VTI1A: variants seen among roughly 807,000 people sequenced by gnomAD.
The protein encoded by VTI1A is vesicle transport through interaction with t-SNAREs 1A.
VTI1A carries 22 observed loss-of-function variants against 34.9 expected under a neutral mutation model. The observed-to-expected ratio is 0.63, with a 90% CI of 0.45 to 0.90. The LOEUF is 0.90. VTI1A is among the 40% of genes least tolerant of loss of function. The pLI, the probability that VTI1A is intolerant of heterozygous loss-of-function variation, is 0.00. For missense variants in VTI1A, 268 were observed against 275.6 expected, an observed-to-expected ratio of 0.97 and a Z score of 0.20; for synonymous variants, 87 against 97.3, an observed-to-expected ratio of 0.89 and a Z score of 0.62.
chr10:112,845,439 C>A, the VTI1A span, among the ~76,000 whole-genome samples: 13 of 152,296 alleles, frequency 8.5e-5, no homozygotes, highest in Admixed American at 2.6e-4. Context: ...TTCCCGAATT[C>A]CCCCACCAAG....
chr10:112,775,530 C>G (rs183721956), intron 7 of VTI1A, among the ~76,000 whole-genome samples: 1 of 152,274 alleles, frequency 6.6e-6, no homozygotes, highest in African/African-American at 2.4e-5. Flanking sequence ...ATTTTTCCTT[C>G]CACTGCTGCA....
intron 7 of VTI1A, among the ~76,000 whole-genome samples, chr10:112,792,871 CAAAGTTACGTCTCAGTCTTTTCAAA>C (rs1175649232): frequency 6.6e-6 from 1 of 152,238 alleles, no homozygotes; most frequent in Non-Finnish European, 1.5e-5. Flanking sequence ...TCTGAGAAAG[CAAAGTTACGTCTCAGTCTTTTCAAA>C]ATGCTGATCA....
At chr10:112,847,676 T>C in the VTI1A span, among the ~76,000 whole-genome samples, 1 of 152,208 alleles carries the variant, frequency 6.6e-6, no homozygotes, top group Non-Finnish European at 1.5e-5. Context: ...CCTGACTTCA[T>C]CTAGAGATCC....
rs140591773 is a variant in VTI1A, at chr10:112,508,935, T to C, written c.265-18152T>C. 1.2e-3 allele frequency among the ~76,000 whole-genome samples: 188 copies of C among 152,108 alleles called. 1 individual carries two copies. Among genetic ancestry groups the C allele is most frequent in the African/African-American group, 4.3e-3 (179 of 41,488 alleles). Reference sequence around the variant, plus strand: ...AATGTCAAAAGCAAAAAGACCAAAATTGGGAGACAAACGTGAGTCACAAGA... The same window carrying C: ...AATGTCAAAAGCAAAAAGACCAAAACTGGGAGACAAACGTGAGTCACAAGA... On this transcript the variant is annotated intron_variant, in intron 3 of 7. Coordinates refer to ENST00000393077, the MANE Select transcript of VTI1A (RefSeq NM_145206.4).
intron 3 of VTI1A, among the ~76,000 whole-genome samples, chr10:112,495,224 T>TTA (rs1848971056): frequency 2.2e-5 from 3 of 135,482 alleles, no homozygotes; most frequent in South Asian, 2.5e-4. Context: ...TTTTTTTAGT[T>TTA]AAAAAAAAAT....
the VTI1A span, among the ~76,000 whole-genome samples, chr10:112,834,216 G>A: frequency 3.9e-5 from 6 of 152,040 alleles, no homozygotes; most frequent in African/African-American, 4.8e-5. Context: ...CACCAGCCTC[G>A]ACCAGCCCAC....
chr10:112,780,273 AAAATAAAT>A (rs143844379), intron 7 of VTI1A, among the ~76,000 whole-genome samples: 1,892 of 138,250 alleles, frequency 0.014, 30 homozygotes, highest in African/African-American at 0.043. Context: ...CCTGTCTCTA[AAAATAAAT>A]AAATAAATAA....
At chr10:112,555,181 T>A (rs1406261954) in intron 5 of VTI1A, among the ~76,000 whole-genome samples, 1 of 152,120 alleles carries the variant, frequency 6.6e-6, no homozygotes, top group Non-Finnish European at 1.5e-5. Flanking sequence ...TTCTCTATAT[T>A]TAAAGTGCCT....
rs565638874 is a variant in VTI1A, at chr10:112,736,803, A to C, written c.560+67805A>C. The C allele has an allele frequency of 3.6e-5, 50 of 1,396,510 alleles. No individual in the cohort carries two copies. The African/African-American group carries it at 6.7e-4, about 19-fold the overall frequency. The allele number at this position is 1,396,510 out of a possible 1,614,324, so 86.5% of individuals were successfully genotyped here. On this transcript the variant is annotated intron_variant, in intron 7 of 7. Transcript: ENST00000393077. ...AGAACCAGCCAGTGGAAATTACTCA[A>C]ACACGTATTGTGCCTTCAATGAGAA... is the stretch of plus-strand genomic sequence containing the variant.
At chr10:112,489,568 A>G (rs1414078354) in intron 3 of VTI1A, among the ~76,000 whole-genome samples, 3 of 152,232 alleles carry the variant, frequency 2.0e-5, no homozygotes, top group Non-Finnish European at 4.4e-5. Context: ...TGGGATGACT[A>G]AAAAAGGTTC....
At chr10:112,586,661 C>T (rs1218477232) in intron 5 of VTI1A, among the ~76,000 whole-genome samples, 2 of 152,088 alleles carry the variant, frequency 1.3e-5, no homozygotes, top group Admixed American at 6.5e-5. Context: ...GTTCCTGCTG[C>T]CTCTCTGTGT....
intron 5 of VTI1A, among the ~76,000 whole-genome samples, chr10:112,540,484 C>T (rs1850825037): frequency 1.3e-5 from 2 of 152,156 alleles, no homozygotes; most frequent in Non-Finnish European, 2.9e-5. Context: ...TAAGAATGGG[C>T]TTTGTGGAAG....
intron 7 of VTI1A, among the ~76,000 whole-genome samples, chr10:112,686,540 C>G (rs1287421898): frequency 6.6e-6 from 1 of 152,146 alleles, no homozygotes; most frequent in Non-Finnish European, 1.5e-5. Flanking sequence ...TGATGATTTA[C>G]TGACACAAGG....
At chr10:112,633,873 A>C (rs1846238499) in intron 5 of VTI1A, among the ~76,000 whole-genome samples, 1 of 151,980 alleles carries the variant, frequency 6.6e-6, no homozygotes, top group African/African-American at 2.4e-5. Flanking sequence ...AAAAAAAGTC[A>C]TGACTCACTC....
chr10:112,815,171 A>ACC, intron 7 of VTI1A, 119 bp from the exon 8 acceptor site: 1 of 541,126 alleles, frequency 1.8e-6, no homozygotes, highest in Non-Finnish European at 3.5e-6. Context: ...ACACACACAC[A>ACC]CGCTCCCCAC....
chr10:112,616,906 G>C (rs1845533082), intron 5 of VTI1A, among the ~76,000 whole-genome samples: 1 of 152,154 alleles, frequency 6.6e-6, no homozygotes, highest in African/African-American at 2.4e-5. Flanking sequence ...GAGGTGTTGA[G>C]ACATGTAGGA....
intron 3 of VTI1A, among the ~76,000 whole-genome samples, chr10:112,487,527 C>G (rs547476000): frequency 9.2e-5 from 14 of 152,292 alleles, no homozygotes; most frequent in African/African-American, 3.1e-4. Flanking sequence ...CTTCCTGACC[C>G]CCAAGCCTCA....
At chr10:112,706,292 T>C (rs544280712) in intron 7 of VTI1A, among the ~76,000 whole-genome samples, 1 of 152,240 alleles carries the variant, frequency 6.6e-6, no homozygotes, top group Non-Finnish European at 1.5e-5. Context: ...CCAGTCATCA[T>C]AGCCATAGGG....
At chr10:112,453,707 T>G (rs1224942661) in intron 1 of VTI1A, among the ~76,000 whole-genome samples, 1 of 152,178 alleles carries the variant, frequency 6.6e-6, no homozygotes, top group Non-Finnish European at 1.5e-5. Context: ...TTTCTGATAG[T>G]ATAAGATACT....
Sources: allele counts gnomAD v4.1 joint callset (sites outside exome capture counted in the v4.1 genomes callset), GRCh38; gene constraint gnomAD v4.1.1; transcripts MANE v1.5; gene names NCBI Gene and HGNC (gene_info 2026-07-23, HGNC 2026-07-21).